SMYD3: variants seen among roughly 807,000 people sequenced by gnomAD.
SMYD3 encodes SET and MYND domain containing 3, also known as histone-lysine N-methyltransferase SMYD3.
A neutral mutation model predicts 57.7 loss-of-function variants in SMYD3; 36 were observed. The ratio of observed to expected loss-of-function variants is 0.62; its 90% CI spans 0.48 to 0.82. SMYD3 has a LOEUF of 0.82. SMYD3 is among the 40% of genes least tolerant of loss of function. SMYD3 has a pLI of 0.00. For synonymous variants in SMYD3, 211 were observed against 195.0 expected (o/e 1.08, Z -0.68); for missense variants, 515 against 538.8 (o/e 0.96, Z 0.44).
At chr1:246,438,615 T>C (rs1176318069) in intron 1 of SMYD3, among the ~76,000 whole-genome samples, 1 of 152,172 alleles carries the variant, frequency 6.6e-6, no homozygotes, top group Non-Finnish European at 1.5e-5. Context: ...ATATAAACTA[T>C]GCATATCCTC....
intron 5 of SMYD3, among the ~76,000 whole-genome samples, chr1:246,296,658 T>C (rs569364034): frequency 7.9e-5 from 12 of 152,162 alleles, no homozygotes; most frequent in South Asian, 2.1e-4. Flanking sequence ...CTCTATAAAA[T>C]TGGAGCACTG....
intron 5 of SMYD3, among the ~76,000 whole-genome samples, chr1:246,067,882 C>T (rs1018525978): frequency 4.6e-5 from 7 of 152,050 alleles, no homozygotes; most frequent in Admixed American, 4.6e-4. Flanking sequence ...GCAGGAAAAC[C>T]GCAAATAGTT....
chr1:245,816,590 G>A (rs531195046), intron 10 of SMYD3, among the ~76,000 whole-genome samples: 9 of 151,490 alleles, frequency 5.9e-5, no homozygotes, highest in South Asian at 2.1e-4. Context: ...AGCTCCCAGC[G>A]TGAGTGACAT....
At chr1:246,191,558 C>T (rs1372792024) in intron 5 of SMYD3, among the ~76,000 whole-genome samples, 2 of 152,138 alleles carry the variant, frequency 1.3e-5, no homozygotes, top group Non-Finnish European at 2.9e-5. Context: ...TATCCAAACA[C>T]ATGAATAGCT....
At chr1:246,343,686 A>G (rs2065665195) in intron 2 of SMYD3, among the ~76,000 whole-genome samples, 1 of 152,226 alleles carries the variant, frequency 6.6e-6, no homozygotes, top group Non-Finnish European at 1.5e-5. Context: ...TTGAGTAAGC[A>G]ATGGAAGGTT....
intron 10 of SMYD3, among the ~76,000 whole-genome samples, chr1:245,786,073 T>C (rs1164840525): frequency 7.9e-6 from 1 of 126,532 alleles, no homozygotes; most frequent in African/African-American, 3.3e-5. Flanking sequence ...TGTAGAAGTT[T>C]TGCTTTTTTT....
In SMYD3 at chr1:245,841,564, G is replaced by A. The variant is rs138583792; in HGVS notation, c.1076+16932C>T. Among the ~76,000 whole-genome samples, 694 of 151,986 alleles carry A rather than the reference G, an allele frequency of 4.6e-3. 7 individuals carry two copies. Among genetic ancestry groups the A allele is most frequent in the African/African-American group, 0.016 (645 of 41,474 alleles). ...CTTAGATCTAATTCAAATTCTAAAC[G>A]GACGGAAACACAAAATTAAGGTTAA... is the stretch of plus-strand genomic sequence containing the variant. On this transcript the variant is annotated intron_variant, in intron 10 of 11. Coordinates refer to ENST00000490107, the MANE Select transcript of SMYD3 (RefSeq NM_001167740.2).
chr1:246,118,403 G>C (rs921286846), intron 5 of SMYD3, among the ~76,000 whole-genome samples: 1 of 152,140 alleles, frequency 6.6e-6, no homozygotes, highest in Non-Finnish European at 1.5e-5. Flanking sequence ...AAGACCCTTA[G>C]AGACACCCTA....
intron 5 of SMYD3, chr1:246,179,024 T>A (rs1418928735): frequency 6.5e-6 from 1 of 152,962 alleles, no homozygotes; most frequent in Non-Finnish European, 1.5e-5. Context: ...GATGGAGGAT[T>A]CAAGGGCTCA....
At chr1:246,037,362 T>C (rs2059794557) in intron 5 of SMYD3, among the ~76,000 whole-genome samples, 1 of 152,204 alleles carries the variant, frequency 6.6e-6, no homozygotes, top group Admixed American at 6.5e-5. Flanking sequence ...CTGCTCTTAT[T>C]ATGAATGAGC....
intron 1 of SMYD3, among the ~76,000 whole-genome samples, chr1:246,366,526 C>G (rs1183144065): frequency 6.7e-6 from 1 of 150,156 alleles, no homozygotes; most frequent in Non-Finnish European, 1.5e-5. Context: ...AGGAGGTCAG[C>G]AGAAACACAG....
At chr1:245,935,099 A>G (rs766292075) in intron 5 of SMYD3, among the ~76,000 whole-genome samples, 13 of 152,242 alleles carry the variant, frequency 8.5e-5, no homozygotes, top group Non-Finnish European at 1.8e-4. Flanking sequence ...TAGCACAGGA[A>G]ATGGTCAAGA....
intron 5 of SMYD3, among the ~76,000 whole-genome samples, chr1:246,279,095 G>A (rs1646572482): frequency 6.6e-6 from 1 of 152,126 alleles, no homozygotes; most frequent in South Asian, 2.1e-4. Flanking sequence ...AAGAGCACTG[G>A]AGAACAGTAC....
At chr1:246,198,601 G>A (rs2062861521) in intron 5 of SMYD3, among the ~76,000 whole-genome samples, 1 of 152,204 alleles carries the variant, frequency 6.6e-6, no homozygotes, top group Non-Finnish European at 1.5e-5. Flanking sequence ...AGCAATTGCA[G>A]TGGCTTTTTT....
intron 5 of SMYD3, among the ~76,000 whole-genome samples, chr1:246,066,327 C>T (rs766474258): frequency 1.1e-4 from 17 of 152,168 alleles, no homozygotes; most frequent in Non-Finnish European, 1.5e-4. Flanking sequence ...AGATTGGCAA[C>T]GAGCTTCTCA....
At chr1:245,924,654 GC>G (rs570924875) in intron 7 of SMYD3, among the ~76,000 whole-genome samples, 10,553 of 114,916 alleles carry the variant, frequency 0.092, 660 homozygotes, top group East Asian at 0.38. Context: ...CTCTATTCCA[GC>G]TTTTTTTTTT....
intron 5 of SMYD3, among the ~76,000 whole-genome samples, chr1:246,267,099 CT>C (rs2064124610): frequency 6.6e-6 from 1 of 151,996 alleles, no homozygotes; most frequent in South Asian, 2.1e-4. Flanking sequence ...CACTTTGAAA[CT>C]TTTTATTAGA....
chr1:246,327,404 T>C, intron 4 of SMYD3, 67 bp from the exon 5 acceptor site: 2 of 1,391,922 alleles, frequency 1.4e-6, no homozygotes, highest in Non-Finnish European at 2.0e-6. Flanking sequence ...TTTCAAGTGT[T>C]CAATGCTGGC....
chr1:246,000,475 G>A (rs530260472), intron 5 of SMYD3, among the ~76,000 whole-genome samples: 19 of 152,194 alleles, frequency 1.2e-4, no homozygotes, highest in Non-Finnish European at 1.0e-4. Flanking sequence ...TGCAGGGGGC[G>A]TCCACCTTCC....
Sources: gnomAD v4.1 joint callset for allele counts (sites outside exome capture counted in the v4.1 genomes callset) on GRCh38, gnomAD v4.1.1 for gene constraint, MANE v1.5 for transcripts, NCBI Gene and HGNC (gene_info 2026-07-23, HGNC 2026-07-21) for gene names.